Variants in SPMIP11 observed in about 807,000 individuals in gnomAD.
The protein encoded by SPMIP11 is long intergenic non-protein coding RNA 935.
the SPMIP11 span, among the ~76,000 whole-genome samples, chr12:48,769,826 A>G: frequency 6.9e-6 from 1 of 145,976 alleles, no homozygotes; most frequent in Admixed American, 7.0e-5. Flanking sequence ...CAGTGGCACC[A>G]TCTCGGCTCA....
the SPMIP11 span, among the ~76,000 whole-genome samples, chr12:48,730,661 G>A: frequency 6.6e-6 from 1 of 152,200 alleles, no homozygotes; most frequent in Non-Finnish European, 1.5e-5. Flanking sequence ...GCTCAGGCCG[G>A]GCATGGTGGC....
the SPMIP11 span, chr12:48,770,712 G>C: frequency 1.3e-6 from 2 of 1,570,098 alleles, no homozygotes; most frequent in Middle Eastern, 2.2e-4. Flanking sequence ...TATAATCCCA[G>C]CTTCACCTGG....
the SPMIP11 span, among the ~76,000 whole-genome samples, chr12:48,732,877 A>G: frequency 6.6e-6 from 1 of 150,532 alleles, no homozygotes; most frequent in Non-Finnish European, 1.5e-5. Flanking sequence ...GCGGTGGCTC[A>G]CTCCTGTAAT....
chr12:48,737,246 C>T, the SPMIP11 span, among the ~76,000 whole-genome samples: 136 of 151,632 alleles, frequency 9.0e-4, 1 homozygote, highest in Non-Finnish European at 1.5e-3. Context: ...CCACATCGCC[C>T]GGTCTCTGGA....
chr12:48,752,711 G>C, the SPMIP11 span, among the ~76,000 whole-genome samples: 2 of 114,790 alleles, frequency 1.7e-5, no homozygotes, highest in African/African-American at 6.7e-5. Context: ...TGCTCTTGTT[G>C]CCCAGGCTGG....
At chr12:48,762,399 G>A in the SPMIP11 span, among the ~76,000 whole-genome samples, 3 of 81,902 alleles carry the variant, frequency 3.7e-5, no homozygotes, top group East Asian at 4.2e-4. Flanking sequence ...ACGGAATCTT[G>A]CTCTGTCGCC....
At chr12:48,749,951 A>G in the SPMIP11 span, among the ~76,000 whole-genome samples, 1 of 149,918 alleles carries the variant, frequency 6.7e-6, no homozygotes, top group South Asian at 2.2e-4. Flanking sequence ...TCGGCCTCCC[A>G]AAGTGCTGGG....
At chr12:48,768,522 A>G in the SPMIP11 span, 2 of 1,610,082 alleles carry the variant, frequency 1.2e-6, no homozygotes, top group Non-Finnish European at 1.7e-6. Context: ...CCACAGCTCC[A>G]CCCAGTGAGC....
At chr12:48,745,051 A>G in the SPMIP11 span, among the ~76,000 whole-genome samples, 1 of 152,090 alleles carries the variant, frequency 6.6e-6, no homozygotes, top group Non-Finnish European at 1.5e-5. Context: ...CGGGTGGATC[A>G]CGAGGTCAGG....
chr12:48,746,734 A>G, the SPMIP11 span, among the ~76,000 whole-genome samples: 23 of 151,786 alleles, frequency 1.5e-4, no homozygotes, highest in African/African-American at 5.5e-4. Context: ...CAGCCTGGCC[A>G]ACATGGCGAA....
the SPMIP11 span, among the ~76,000 whole-genome samples, chr12:48,769,774 T>C: frequency 6.7e-6 from 1 of 149,688 alleles, no homozygotes; most frequent in African/African-American, 2.5e-5. Context: ...TTTTTTTTTT[T>C]TGGGGGGGAC....
At chr12:48,729,130 T>A in the SPMIP11 span, among the ~76,000 whole-genome samples, 89,498 of 152,080 alleles carry the variant, frequency 0.59, 26,644 homozygotes, top group East Asian at 0.76. Flanking sequence ...TGCCGGGCAC[T>A]GCGGCTCACG....
the SPMIP11 span, among the ~76,000 whole-genome samples, chr12:48,746,885 C>T: frequency 1.3e-5 from 2 of 151,542 alleles, no homozygotes; most frequent in Non-Finnish European, 2.9e-5. Flanking sequence ...TGTGCCACTG[C>T]ACTTTAGGTT....
At chr12:48,770,993 G>A in the SPMIP11 span, 42 of 1,607,948 alleles carry the variant, frequency 2.6e-5, no homozygotes, top group East Asian at 8.9e-4. Flanking sequence ...AGGAGACCTG[G>A]CTGTCAAGGC....
chr12:48,758,150 A>G, the SPMIP11 span, among the ~76,000 whole-genome samples: 1 of 152,202 alleles, frequency 6.6e-6, no homozygotes, highest in African/African-American at 2.4e-5. Context: ...CCTGGGTGGC[A>G]GAGGGAGACC....
the SPMIP11 span, among the ~76,000 whole-genome samples, chr12:48,728,499 G>A: frequency 6.6e-6 from 1 of 152,102 alleles, no homozygotes; most frequent in Non-Finnish European, 1.5e-5. Context: ...ACGAGGTCAG[G>A]AGATCAAGAC....
the SPMIP11 span, among the ~76,000 whole-genome samples, chr12:48,757,507 G>A: frequency 0.013 from 1,930 of 151,600 alleles, 40 homozygotes; most frequent in African/African-American, 0.045. Flanking sequence ...TGAGCCAGGC[G>A]TGGTGGTGAG....
chr12:48,767,210 C>T, the SPMIP11 span: 1 of 152,734 alleles, frequency 6.5e-6, no homozygotes, highest in African/African-American at 2.4e-5. Flanking sequence ...AAACCCCAGA[C>T]AGTTCAAGTG....
chr12:48,742,030 A>T, the SPMIP11 span, among the ~76,000 whole-genome samples: 1 of 152,076 alleles, frequency 6.6e-6, no homozygotes, highest in Non-Finnish European at 1.5e-5. Context: ...ATAATTGCAA[A>T]ATGGTGATTT....
Sources: allele counts gnomAD v4.1 joint callset (sites outside exome capture counted in the v4.1 genomes callset), GRCh38; gene constraint gnomAD v4.1.1; transcripts MANE v1.5; gene names NCBI Gene and HGNC (gene_info 2026-07-23, HGNC 2026-07-21).